Variants in SLC30A5 observed in about 807,000 individuals in gnomAD.
SLC30A5 encodes solute carrier family 30 member 5, also known as proton-coupled zinc antiporter SLC30A5.
A neutral mutation model predicts 79.6 loss-of-function variants in SLC30A5; 33 were observed. The ratio of observed to expected loss-of-function variants is 0.41; its 90% confidence interval spans 0.31 to 0.55. The LOEUF is 0.55. Among genes scored for constraint, SLC30A5 ranks in the 20% least tolerant of loss-of-function variants. The pLI is 0.20. For synonymous variants in SLC30A5, 299 were observed against 319.7 expected (o/e 0.94, Z 0.69); for missense variants, 788 against 928.1 (o/e 0.85, Z 1.96).
chr5:69,102,503 T>C (rs913960047), intron 2 of SLC30A5: 3 of 152,028 alleles, frequency 2.0e-5, no homozygotes, highest in Admixed American at 6.6e-5. Flanking sequence ...TTTTAAGATA[T>C]AAAAAAAATT....
intron 11 of SLC30A5, among the ~76,000 whole-genome samples, chr5:69,117,820 T>C (rs184630826): frequency 6.7e-6 from 1 of 148,968 alleles, no homozygotes; most frequent in Admixed American, 6.8e-5. Context: ...GAGGTTGCAG[T>C]GAGCCAAGAT....
At chr5:69,117,937 A>G (rs1746416936) in intron 11 of SLC30A5, among the ~76,000 whole-genome samples, 1 of 150,916 alleles carries the variant, frequency 6.6e-6, no homozygotes, top group South Asian at 2.1e-4. Flanking sequence ...GCACTTTGGG[A>G]GGCCGAGGCG....
chr5:69,119,949 G>A (rs1746489875), intron 12 of SLC30A5, among the ~76,000 whole-genome samples: 1 of 147,110 alleles, frequency 6.8e-6, no homozygotes, highest in South Asian at 2.1e-4. Flanking sequence ...CAACCACGAG[G>A]CAGAGGCTTC....
At chr5:69,112,056 T>C (rs1213441762) in intron 5 of SLC30A5, among the ~76,000 whole-genome samples, 1 of 152,082 alleles carries the variant, frequency 6.6e-6, no homozygotes, top group Non-Finnish European at 1.5e-5. Context: ...TCCTAGGACT[T>C]TGGGAGACCG....
rs1016707165 is a variant in SLC30A5, at chr5:69,129,773, A to G, written c.*156A>G. The G allele has an allele frequency of 9.5e-6, 5 of 528,036 alleles. No homozygotes were observed. The highest frequency in any genetic ancestry group is 1.6e-5 in the Non-Finnish European group (5 of 316,588). The allele number at this position is 528,036 out of a possible 1,614,324, so 32.7% of individuals were successfully genotyped here. A position where few individuals can be genotyped will look rare whatever the true frequency, so the allele number is the denominator to read the frequency against. On this transcript the variant is annotated 3_prime_UTR_variant, in exon 16 of 16. Coordinates refer to ENST00000396591, the MANE Select transcript of SLC30A5 (RefSeq NM_022902.5). ...AATCTTTCTTGAAGGAAATTTAAAT[A>G]CAGAATGAAACATTAATGGTAAAAG...
chr5:69,115,694 T>C (rs1338982653), intron 8 of SLC30A5, among the ~76,000 whole-genome samples: 1 of 152,182 alleles, frequency 6.6e-6, no homozygotes, highest in African/African-American at 2.4e-5. Flanking sequence ...GGCTTAAAGA[T>C]TGTGTGTCGC....
chr5:69,099,313 GCA>G (rs1215128013), intron 1 of SLC30A5, among the ~76,000 whole-genome samples: 2 of 152,102 alleles, frequency 1.3e-5, no homozygotes, highest in Admixed American at 6.6e-5. Context: ...CTCTCTGAAT[GCA>G]CACACACAGG....
Position 69,116,339 on chromosome 5 carries a change from G to A in SLC30A5, c.1073-55G>A. On this transcript the variant is annotated intron_variant, in intron 9 of 15. Coordinates refer to ENST00000396591, the MANE Select transcript of SLC30A5 (RefSeq NM_022902.5). This position sits in a 1 kb window ranked among gnomAD's most constrained non-coding sequence, Gnocchi z 4.0. The stretch of plus-strand genomic sequence containing the variant: ...TTTAGTGCCGACAGTTACTGTGTTG[G>A]TTTTGGTAGCTTAAACTTCGAAAAT... 1 of 1,514,394 alleles carries A rather than the reference G, an allele frequency of 6.6e-7. No individual in the cohort carries two copies. The highest frequency in any genetic ancestry group is 8.9e-7 in the Non-Finnish European group (1 of 1,129,514). The allele number at this position is 1,514,394 out of a possible 1,614,324, so 93.8% of individuals were successfully genotyped here. A position where few individuals can be genotyped will look rare whatever the true frequency, so the allele number is the denominator to read the frequency against.
rs191643480 is a variant in SLC30A5 at position 69,098,036 on chromosome 5, C to T, written c.84-2771C>T. On this transcript the variant is annotated intron_variant, in intron 1 of 15. Transcript: ENST00000396591. ...AATTTTTAAAAACTTTTTGGAGAGA[C>T]GGGGTCTCGCTGTATTGCCCAGGTT... Among the ~76,000 whole-genome samples, 185 of 151,784 alleles carry T rather than the reference C, an allele frequency of 1.2e-3. 1 individual carries two copies. Among genetic ancestry groups the T allele is most frequent in the African/African-American group, 4.2e-3 (172 of 41,370 alleles).
At position 69,116,389 on chromosome 5, in the gene SLC30A5, T is replaced by C; in HGVS notation, c.1073-5T>C. On this transcript the variant is annotated splice_region_variant and splice_polypyrimidine_tract_variant and intron_variant, in intron 9 of 15. Transcript: ENST00000396591. The surrounding 1 kb of genome is among the most constrained non-coding windows in gnomAD (Gnocchi z 4.0). ...TTTAAACAATATTGTTTTTTCTCTTTGTAGCTGCCAATATCTTATCATCTC... is the reference window on the plus strand; with the variant it reads ...TTTAAACAATATTGTTTTTTCTCTTCGTAGCTGCCAATATCTTATCATCTC... 6.4e-7 allele frequency: 1 copy of C among 1,568,196 alleles called. No individual in the cohort carries two copies. The highest frequency in any genetic ancestry group is 8.6e-7 in the Non-Finnish European group (1 of 1,162,698).
Position 69,116,372 on chromosome 5 carries a change from A to T in SLC30A5, c.1073-22A>T, listed in dbSNP as rs1746372997. On this transcript the variant is annotated intron_variant, in intron 9 of 15. Transcript: ENST00000396591. The surrounding 1 kb of genome is among the most constrained non-coding windows in gnomAD (Gnocchi z 4.0). ...AGCTTAAACTTCGAAAATTTAAACAATATTGTTTTTTCTCTTTGTAGCTGC... is the reference window on the plus strand; with the variant it reads ...AGCTTAAACTTCGAAAATTTAAACATTATTGTTTTTTCTCTTTGTAGCTGC... The T allele has an allele frequency of 6.4e-7, 1 of 1,550,670 alleles. No homozygotes were observed. Among genetic ancestry groups the T allele is most frequent in the Non-Finnish European group, 8.7e-7 (1 of 1,152,302 alleles).
At chr5:69,108,636 A>G (rs1174992095) in intron 5 of SLC30A5, among the ~76,000 whole-genome samples, 200 bp downstream of exon 5, 1 of 152,168 alleles carries the variant, frequency 6.6e-6, no homozygotes, top group African/African-American at 2.4e-5. Context: ...AGCCTAGCCA[A>G]CGTGGTGAAA....
At chr5:69,114,726 A>G (rs954857263) in intron 7 of SLC30A5, among the ~76,000 whole-genome samples, 1 of 152,102 alleles carries the variant, frequency 6.6e-6, no homozygotes. Flanking sequence ...TTAGCCAGGC[A>G]TGGTGGCACA....
At chr5:69,127,198 G>A (rs1746720742) in intron 14 of SLC30A5, among the ~76,000 whole-genome samples, 1 of 152,130 alleles carries the variant, frequency 6.6e-6, no homozygotes, top group Non-Finnish European at 1.5e-5. Flanking sequence ...CAAATAATGT[G>A]CATATGAATG....
chr5:69,115,796 A>G lies in SLC30A5; in HGVS notation c.784-130A>G. 5.1e-6 allele frequency: 4 copies of G among 789,400 alleles called. No individual in the cohort carries two copies. In the South Asian group the frequency reaches 7.4e-5, roughly 15 times the overall value. 48.9% of individuals were successfully genotyped at this position (789,400 alleles called of 1,614,324 possible). A position where few individuals can be genotyped will look rare whatever the true frequency, so the allele number is the denominator to read the frequency against. On this transcript the variant is annotated intron_variant, in intron 8 of 15. Coordinates refer to ENST00000396591, the MANE Select transcript of SLC30A5 (RefSeq NM_022902.5). ...AATGTACCAATATCTTATAGCTTTT[A>G]TATGTTGGCATATTATGAATCATAT...
chr5:69,098,427 G>A (rs2111926584), intron 1 of SLC30A5, among the ~76,000 whole-genome samples: 1 of 152,222 alleles, frequency 6.6e-6, no homozygotes, highest in South Asian at 2.1e-4. Flanking sequence ...TCAGGAGGCT[G>A]AGGCAGGAGA....
At chr5:69,105,047 G>A (rs1404754854) in intron 4 of SLC30A5, among the ~76,000 whole-genome samples, 4 of 152,174 alleles carry the variant, frequency 2.6e-5, no homozygotes, top group African/African-American at 9.7e-5. Flanking sequence ...AAGGTCTGAA[G>A]TGGTAAATAA....
Position 69,100,947 on chromosome 5 carries a change from T to TG in SLC30A5, c.206+18_206+19insG. ...AAACTTGGGTGAGTGTGGGGGGGGG[T>TG]TTTTTCTTGATATTTTTTATTTCTT... On this transcript the variant is annotated intron_variant, in intron 2 of 15. Transcript: ENST00000396591. 2 of 1,065,724 alleles carry TG rather than the reference T, an allele frequency of 1.9e-6. No homozygotes were observed. Among genetic ancestry groups the TG allele is most frequent in the South Asian group, 1.5e-5 (1 of 64,542 alleles). 66.0% of individuals were successfully genotyped at this position (1,065,724 alleles called of 1,614,324 possible).
At position 69,121,767 on chromosome 5, in the gene SLC30A5, A is replaced by G. The variant is rs1264887876; in HGVS notation, c.1643A>G (p.His548Arg). The G allele has an allele frequency of 1.9e-6, 3 of 1,612,016 alleles. No individual in the cohort carries two copies. Among genetic ancestry groups the G allele is most frequent in the Admixed American group, 1.7e-5 (1 of 59,782 alleles). ...TTTAGCCATGCCCATAGCCATGCCC[A>G]TGGAGCTTCTCAAGGAAGCTGTCAC... is the stretch of plus-strand genomic sequence containing the variant. Reference protein sequence around the residue: ...CAFSHAHSHAHGASQGSCHSS... With the variant: ...CAFSHAHSHARGASQGSCHSS... The change falls in exon 13 of 16, where the codon CAT (histidine) becomes CGT (arginine). Residue 548 changes from histidine to arginine, a missense_variant. This residue lies in a region of SLC30A5 where 626 missense variants were observed against 755.5 expected (regional missense o/e 0.83). Transcript: ENST00000396591.
Sources: allele counts gnomAD v4.1 joint callset (sites outside exome capture counted in the v4.1 genomes callset), GRCh38; gene constraint gnomAD v4.1.1; regional missense constraint gnomAD v4.1.1; non-coding constraint Gnocchi (gnomAD v3.1); transcripts MANE v1.5; gene names NCBI Gene and HGNC (gene_info 2026-07-23, HGNC 2026-07-21).